Variants in SPATA13 observed in about 807,000 individuals in gnomAD.
The protein encoded by SPATA13 is spermatogenesis-associated protein 13.
In SPATA13, 50 loss-of-function variants were observed where a neutral mutation model predicts 104.0. That is an observed-to-expected ratio of 0.48 (90% confidence interval 0.38 to 0.61). The LOEUF (loss-of-function observed/expected upper bound fraction) is 0.61, where lower values mean the gene tolerates loss of function less well. Among genes scored for constraint, SPATA13 ranks in the 20% least tolerant of loss-of-function variants. SPATA13 has a pLI of 0.00. For synonymous variants in SPATA13, 606 were observed against 667.5 expected (o/e 0.91, Z 1.42); for missense variants, 1,524 against 1,690.6 (o/e 0.90, Z 1.73).
At position 24,306,078 on chromosome 13, in the gene SPATA13, A is replaced by C. The variant is rs1307956747; in HGVS notation, c.*3305A>C. On this transcript the variant is annotated 3_prime_UTR_variant, in exon 13 of 13. Coordinates refer to ENST00000382108, the MANE Select transcript of SPATA13 (RefSeq NM_001166271.3). ...TAGTTGAAAACATTTCACCACCATC[A>C]AACACTATTTCTGAATATTGTGCCT... 1.3e-5 allele frequency: 2 copies of C among 152,302 alleles called. No individual in the cohort carries two copies. Among genetic ancestry groups the C allele is most frequent in the African/African-American group, 2.4e-5 (1 of 41,568 alleles). 9.4% of individuals were successfully genotyped at this position (152,302 alleles called of 1,614,324 possible).
intron 3 of SPATA13, among the ~76,000 whole-genome samples, chr13:24,023,356 A>G (rs1409004628): frequency 1.3e-5 from 2 of 151,992 alleles, no homozygotes; most frequent in Non-Finnish European, 2.9e-5. Context: ...TAGCTCAGTA[A>G]ATTCATTTCT....
At chr13:24,222,024 G>C (rs927431281) in intron 1 of SPATA13, among the ~76,000 whole-genome samples, 5 of 152,102 alleles carry the variant, frequency 3.3e-5, no homozygotes, top group Admixed American at 6.6e-5. Context: ...TATTGGCCAG[G>C]CTGGTCTCGA....
At chr13:24,173,457 G>A (rs938829815) in intron 1 of SPATA13, among the ~76,000 whole-genome samples, 2 of 149,772 alleles carry the variant, frequency 1.3e-5, no homozygotes, top group African/African-American at 4.9e-5. Context: ...AAATGGAATG[G>A]CTTTATTTCT....
At chr13:24,165,539 T>A (rs1882692969) in intron 1 of SPATA13, among the ~76,000 whole-genome samples, 1 of 152,154 alleles carries the variant, frequency 6.6e-6, no homozygotes, top group Non-Finnish European at 1.5e-5. Context: ...CCACCCAGTC[T>A]CCTGCCCTCT....
At chr13:24,021,323 G>C (rs756166291) in intron 3 of SPATA13, among the ~76,000 whole-genome samples, 64 of 152,150 alleles carry the variant, frequency 4.2e-4, no homozygotes, top group Non-Finnish European at 1.3e-4. Flanking sequence ...CTTGCATAAA[G>C]ATGATTAAGA....
intron 3 of SPATA13, among the ~76,000 whole-genome samples, chr13:24,142,723 T>C (rs1456328496): frequency 6.6e-6 from 1 of 152,068 alleles, no homozygotes; most frequent in Non-Finnish European, 1.5e-5. Flanking sequence ...CTTCTTCTCC[T>C]CCTTTTTCTC....
chr13:24,068,994 C>T (rs578005467), intron 3 of SPATA13, among the ~76,000 whole-genome samples: 1 of 152,230 alleles, frequency 6.6e-6, no homozygotes, highest in Non-Finnish European at 1.5e-5. Flanking sequence ...TTTTTCTGTG[C>T]AGAAGCTGTT....
intron 3 of SPATA13, chr13:24,123,612 A>T: frequency 6.2e-7 from 1 of 1,607,078 alleles, no homozygotes; most frequent in East Asian, 2.2e-5. Flanking sequence ...TGTAAACAAA[A>T]GTGTCTGGGC....
intron 3 of SPATA13, among the ~76,000 whole-genome samples, chr13:24,097,780 G>A (rs1449725934): frequency 6.6e-6 from 1 of 152,224 alleles, no homozygotes; most frequent in East Asian, 1.9e-4. Flanking sequence ...GCACCGGAAA[G>A]CATGGTACAA....
chr13:24,169,998 A>T (rs964529313), intron 1 of SPATA13, among the ~76,000 whole-genome samples: 1 of 152,250 alleles, frequency 6.6e-6, no homozygotes, highest in African/African-American at 2.4e-5. Flanking sequence ...TGACGTCTTC[A>T]TACAAAGTTC....
At chr13:24,104,973 A>C (rs1880390432) in intron 3 of SPATA13, among the ~76,000 whole-genome samples, 1 of 152,076 alleles carries the variant, frequency 6.6e-6, no homozygotes, top group East Asian at 1.9e-4. Flanking sequence ...TGACAGTCTC[A>C]TGTCCATCCT....
intron 3 of SPATA13, among the ~76,000 whole-genome samples, chr13:24,063,687 T>C (rs561150447): frequency 4.5e-4 from 69 of 152,226 alleles, no homozygotes; most frequent in African/African-American, 1.6e-3. Flanking sequence ...CAGCTCAGGG[T>C]CAGGAGGAGG....
chr13:24,076,973 G>T lies in SPATA13; in HGVS notation c.-112+59272G>T, dbSNP rs371501038. On this transcript the variant is annotated intron_variant, in intron 3 of 14. Coordinates refer to the SPATA13 transcript ENST00000424834. ...AAGACAGGCTTTCCAGGGGGATACG[G>T]CAAAGTCCTTCCCTTTGATTCATAT... Among the ~76,000 whole-genome samples the T allele has an allele frequency of 5.3e-5, 8 of 152,034 alleles. No individual in the cohort carries two copies. The East Asian group carries it at 1.5e-3, about 29-fold the overall frequency.
In SPATA13 at chr13:23,993,990, T is replaced by C. The variant is rs561223212; in HGVS notation, c.-147+10057T>C. ...GTGGTGTTTTTTTTTTTTTTTCTTTTTTTTTTTTGACAAGTAACAAGGAGT... is the reference window on the plus strand; with the variant it reads ...GTGGTGTTTTTTTTTTTTTTTCTTTCTTTTTTTTGACAAGTAACAAGGAGT... On this transcript the variant is annotated intron_variant, in intron 2 of 14. Transcript: ENST00000424834. Among the ~76,000 whole-genome samples, 527 of 151,102 alleles carry C rather than the reference T, an allele frequency of 3.5e-3. 4 individuals carry two copies. The highest frequency in any genetic ancestry group is 0.012 in the African/African-American group (496 of 41,348).
In SPATA13 at chr13:24,136,414, T is replaced by C. The variant is rs191929994; in HGVS notation, c.-111-86405T>C. On this transcript the variant is annotated intron_variant, in intron 3 of 14. Coordinates refer to the SPATA13 transcript ENST00000424834. ...CTGCTTGAACCCAGGAGGCAGAGGT[T>C]GTAGTGAGCTGAGATCGTGCCATTG... Among the ~76,000 whole-genome samples the C allele has an allele frequency of 2.0e-5, 3 of 152,002 alleles. No homozygotes were observed. In the East Asian group the frequency reaches 5.8e-4, roughly 29 times the overall value.
intron 3 of SPATA13, among the ~76,000 whole-genome samples, chr13:24,068,571 T>G (rs754998385): frequency 3.3e-5 from 5 of 152,232 alleles, no homozygotes; most frequent in Non-Finnish European, 7.3e-5. Flanking sequence ...TACACAGTGG[T>G]TGAACTAATT....
chr13:24,013,779 A>G (rs1593276265), intron 2 of SPATA13, among the ~76,000 whole-genome samples: 2 of 143,996 alleles, frequency 1.4e-5, no homozygotes, highest in Non-Finnish European at 3.0e-5. Context: ...ACATGTGTTC[A>G]TTTATTTTGT....
intron 4 of SPATA13, among the ~76,000 whole-genome samples, chr13:24,265,263 G>A (rs542803039): frequency 1.2e-4 from 19 of 152,320 alleles, no homozygotes; most frequent in African/African-American, 4.6e-4. Context: ...GCCTGCTGAG[G>A]CAGCATCTAC....
chr13:24,123,579 A>G (rs1881113137), intron 3 of SPATA13: 25 of 1,608,404 alleles, frequency 1.6e-5, no homozygotes, highest in Non-Finnish European at 2.0e-5. Flanking sequence ...CTTTTGCAGT[A>G]CCTCTTTCCT....
Sources: allele counts gnomAD v4.1 joint callset (sites outside exome capture counted in the v4.1 genomes callset), GRCh38; gene constraint gnomAD v4.1.1; transcripts MANE v1.5; gene names NCBI Gene and HGNC (gene_info 2026-07-23, HGNC 2026-07-21).